The following SUCLG2 variants were observed in gnomAD, a reference collection of about 807,000 sequenced individuals.
The protein encoded by SUCLG2 is succinate-CoA ligase GDP-forming subunit beta, also known as succinate--CoA ligase [GDP-forming] subunit beta, mitochondrial.
SUCLG2 carries 42 observed loss-of-function variants against 47.9 expected under a neutral mutation model. The observed-to-expected ratio is 0.88, with a 90% CI of 0.69 to 1.14. The LOEUF is 1.14. Ranked by LOEUF, SUCLG2 falls within the 50% of genes most tolerant of loss-of-function variation. The pLI is 0.00. For missense variants in SUCLG2, 571 were observed against 525.9 expected (o/e 1.09, Z -0.84); for synonymous variants, 195 against 197.3 (o/e 0.99, Z 0.10).
At position 67,528,260 on chromosome 3, in the gene SUCLG2, G is replaced by A. The variant is rs146709240; in HGVS notation, c.327-38C>T. The A allele has an allele frequency of 3.9e-4, 618 of 1,578,234 alleles. 1 individual carries two copies. Among genetic ancestry groups the A allele is most frequent in the Non-Finnish European group, 5.1e-4 (585 of 1,148,458 alleles). ...GAAAACAAGCAGAAAATGAATGTTTGTTGAAAATCATTTAAATGAGAGTCC... is the reference window on the plus strand; with the variant it reads ...GAAAACAAGCAGAAAATGAATGTTTATTGAAAATCATTTAAATGAGAGTCC... On this transcript the variant is annotated intron_variant, in intron 3 of 10. Coordinates refer to ENST00000307227, the MANE Select transcript of SUCLG2 (RefSeq NM_003848.4).
intron 4 of SUCLG2, among the ~76,000 whole-genome samples, chr3:67,526,850 A>G (rs1706269902): frequency 6.6e-6 from 1 of 152,240 alleles, no homozygotes; most frequent in South Asian, 2.1e-4. Context: ...CAAAATGAAG[A>G]TTTATATTTA....
At chr3:67,452,872 G>A (rs1704088598) in intron 9 of SUCLG2, among the ~76,000 whole-genome samples, 1 of 152,150 alleles carries the variant, frequency 6.6e-6, no homozygotes, top group Non-Finnish European at 1.5e-5. Flanking sequence ...TGCAGATCTT[G>A]GTAACACATA....
chr3:67,487,773 T>A (rs1705095865), intron 9 of SUCLG2, among the ~76,000 whole-genome samples: 1 of 152,158 alleles, frequency 6.6e-6, no homozygotes, highest in Non-Finnish European at 1.5e-5. Context: ...CTGAGGTAAT[T>A]CAGCAATGCA....
At chr3:67,539,453 C>T (rs1167708809) in intron 2 of SUCLG2, among the ~76,000 whole-genome samples, 11 of 152,134 alleles carry the variant, frequency 7.2e-5, no homozygotes, top group African/African-American at 2.2e-4. Flanking sequence ...CTGCTGAATT[C>T]GGTTTGCCAG....
At chr3:67,530,319 T>C (rs2107149921) in intron 2 of SUCLG2, among the ~76,000 whole-genome samples, 1 of 152,330 alleles carries the variant, frequency 6.6e-6, no homozygotes, top group East Asian at 1.9e-4. Context: ...GAATGCTTTA[T>C]CCCAGAGCCT....
At chr3:67,533,493 A>C (rs1223340290) in intron 2 of SUCLG2, among the ~76,000 whole-genome samples, 1 of 152,198 alleles carries the variant, frequency 6.6e-6, no homozygotes, top group African/African-American at 2.4e-5. Context: ...AGTTGATAGA[A>C]TTCCTAATTG....
chr3:67,581,190 C>G (rs1707869796), intron 2 of SUCLG2, among the ~76,000 whole-genome samples: 1 of 152,220 alleles, frequency 6.6e-6, no homozygotes. Context: ...CGCTGGTTAG[C>G]ACTTTCTTTA....
intron 2 of SUCLG2, among the ~76,000 whole-genome samples, chr3:67,558,331 CAAAAAAA>C (rs35100169): frequency 7.0e-5 from 8 of 114,940 alleles, no homozygotes; most frequent in African/African-American, 2.4e-4. Flanking sequence ...TCTTTGACAC[CAAAAAAA>C]AAAAAAAAAA....
intron 2 of SUCLG2, among the ~76,000 whole-genome samples, chr3:67,564,607 T>C (rs1707403493): frequency 6.6e-6 from 1 of 152,278 alleles, no homozygotes; most frequent in African/African-American, 2.4e-5. Context: ...GCTTGTCCAA[T>C]CTGTGGCCCA....
chr3:67,588,347 A>C (rs1708077775), intron 2 of SUCLG2, among the ~76,000 whole-genome samples: 1 of 152,222 alleles, frequency 6.6e-6, no homozygotes, highest in Non-Finnish European at 1.5e-5. Flanking sequence ...TATTTAATGC[A>C]ATCAAGAATT....
Position 67,551,741 on chromosome 3 carries a change from T to C in SUCLG2, c.227-22555A>G, listed in dbSNP as rs9824000. Reference sequence around the variant, plus strand: ...TTGTTACTATAATGGTTGGGACTGTTGTTCTGTGTCTTAAGGAGACCACAT... The same window carrying C: ...TTGTTACTATAATGGTTGGGACTGTCGTTCTGTGTCTTAAGGAGACCACAT... On this transcript the variant is annotated intron_variant, in intron 2 of 10. Transcript: ENST00000307227. Among the ~76,000 whole-genome samples, 1,228 of 152,286 alleles carry C rather than the reference T, an allele frequency of 8.1e-3. 20 individuals are homozygous for C. Among genetic ancestry groups the C allele is most frequent in the African/African-American group, 0.029 (1,187 of 41,552 alleles).
At chr3:67,652,366 TG>T (rs1701301895) in intron 1 of SUCLG2, among the ~76,000 whole-genome samples, 1 of 152,198 alleles carries the variant, frequency 6.6e-6, no homozygotes, top group Non-Finnish European at 1.5e-5. Flanking sequence ...AAAATAGGTC[TG>T]GGCCAAGAGT....
At chr3:67,564,733 A>G (rs746456208) in intron 2 of SUCLG2, among the ~76,000 whole-genome samples, 86 of 152,130 alleles carry the variant, frequency 5.7e-4, no homozygotes, top group Non-Finnish European at 9.1e-4. Context: ...TGAGCTATCT[A>G]TTGTTAGTGT....
At chr3:67,599,202 T>C (rs1708360736) in intron 2 of SUCLG2, among the ~76,000 whole-genome samples, 1 of 152,218 alleles carries the variant, frequency 6.6e-6, no homozygotes, top group African/African-American at 2.4e-5. Context: ...GTTGTGAAGC[T>C]ATCGTGGAGC....
At chr3:67,386,513 G>C (rs1702264416) in intron 10 of SUCLG2, among the ~76,000 whole-genome samples, 1 of 152,126 alleles carries the variant, frequency 6.6e-6, no homozygotes, top group Admixed American at 6.5e-5. Flanking sequence ...AAAGGAAAGG[G>C]GTTTAATTGA....
At position 67,630,988 on chromosome 3, in the gene SUCLG2, T is replaced by C. The variant is rs978829369; in HGVS notation, c.85-21392A>G. On this transcript the variant is annotated intron_variant, in intron 1 of 10. Transcript: ENST00000307227. ...ACTCCCCGATCCTTTAAGAAAAAGT[T>C]TGCAGACCAATGTCCTATGAAGAAG... Among the ~76,000 whole-genome samples the C allele has an allele frequency of 2.0e-5, 3 of 152,322 alleles. No individual in the cohort carries two copies. The South Asian group carries it at 6.2e-4, about 32-fold the overall frequency.
intron 10 of SUCLG2, among the ~76,000 whole-genome samples, chr3:67,365,958 A>C (rs924466288): frequency 2.6e-5 from 4 of 152,070 alleles, no homozygotes; most frequent in African/African-American, 9.7e-5. Flanking sequence ...ATAGATTTAT[A>C]AATAGAATGA....
chr3:67,378,084 ACT>A (rs1303145013), intron 10 of SUCLG2, among the ~76,000 whole-genome samples: 6 of 151,952 alleles, frequency 3.9e-5, no homozygotes, highest in Non-Finnish European at 8.8e-5. Context: ...TAATGTTAAG[ACT>A]CTGAAATTTC....
At chr3:67,476,628 C>G (rs570053161) in intron 9 of SUCLG2, among the ~76,000 whole-genome samples, 61 of 152,258 alleles carry the variant, frequency 4.0e-4, no homozygotes, top group Admixed American at 9.2e-4. Context: ...AACCCTGCAC[C>G]CTTGGACCCT....
Sources: allele counts gnomAD v4.1 joint callset (sites outside exome capture counted in the v4.1 genomes callset), GRCh38; gene constraint gnomAD v4.1.1; transcripts MANE v1.5; gene names NCBI Gene and HGNC (gene_info 2026-07-23, HGNC 2026-07-21).